The following EFR3B variants were observed in gnomAD, a reference collection of about 807,000 sequenced individuals.
EFR3B encodes the protein protein EFR3 homolog B.
A neutral mutation model predicts 104.7 loss-of-function variants in EFR3B; 64 were observed. That is an observed-to-expected ratio of 0.61 (90% CI 0.50 to 0.75). The LOEUF is 0.75. EFR3B is among the 30% of genes least tolerant of loss of function. EFR3B has a pLI of 0.00. For missense variants in EFR3B, 750 were observed against 1,078.5 expected (o/e 0.70, Z 4.27); for synonymous variants, 385 against 417.9 (o/e 0.92, Z 0.96).
chr2:25,112,606 G>A (rs1669751083), intron 4 of EFR3B, among the ~76,000 whole-genome samples: 1 of 152,208 alleles, frequency 6.6e-6, no homozygotes, highest in Non-Finnish European at 1.5e-5. Context: ...GGACAGTGGG[G>A]AGAAAGGGAC....
chr2:25,106,700 C>T (rs996844234), intron 4 of EFR3B, among the ~76,000 whole-genome samples: 1 of 152,180 alleles, frequency 6.6e-6, no homozygotes, highest in Non-Finnish European at 1.5e-5. Flanking sequence ...GCCTCGGCCT[C>T]CCAAAGTGCT....
Position 25,093,079 on chromosome 2 carries a change from G to T in EFR3B, c.161G>T (p.Gly54Val). Residue 54 changes from glycine to valine, a missense_variant, in exon 3 of 23, where the codon GGC (glycine) becomes GTC (valine). By Grantham distance (109) the Gly-to-Val change is moderately radical. Transcript: ENST00000403714. ...GCTCCAGAAAAACTTGATCGTATTGGCGCCTACCTCTCTGAGAGGCTCATC... is the reference window on the plus strand; with the variant it reads ...GCTCCAGAAAAACTTGATCGTATTGTCGCCTACCTCTCTGAGAGGCTCATC... The part of the protein sequence containing the change: ...LSAPEKLDRI[G>V]AYLSERLIRD... The T allele has an allele frequency of 6.4e-7, 1 of 1,551,546 alleles. No homozygotes were observed. The highest frequency in any genetic ancestry group is 8.7e-7 in the Non-Finnish European group (1 of 1,147,092).
Position 25,142,127 on chromosome 2 carries a change from C to T in EFR3B, c.1922+694C>T, listed in dbSNP as rs535207670. The stretch of plus-strand genomic sequence containing the variant: ...AACCATGGGCCGCAAAGCAAGAACC[C>T]ATCTCTACAAAAAATGTTTAAAAAT... On this transcript the variant is annotated intron_variant, in intron 17 of 22. Coordinates refer to ENST00000403714, the MANE Select transcript of EFR3B (RefSeq NM_014971.2). Among the ~76,000 whole-genome samples the T allele has an allele frequency of 1.2e-4, 19 of 152,180 alleles. No individual in the cohort carries two copies. In the South Asian group the frequency reaches 2.3e-3, roughly 18 times the overall value.
intron 3 of EFR3B, among the ~76,000 whole-genome samples, chr2:25,097,609 G>A (rs765942536): frequency 2.6e-5 from 4 of 152,148 alleles, no homozygotes; most frequent in African/African-American, 7.2e-5. Flanking sequence ...GCATGGGGAC[G>A]GCGGTGGGCA....
chr2:25,074,986 C>T (rs554281118), intron 1 of EFR3B, among the ~76,000 whole-genome samples: 3 of 152,276 alleles, frequency 2.0e-5, no homozygotes, highest in African/African-American at 7.2e-5. Context: ...AAGAAATGCG[C>T]AGAGAGGTCC....
At chr2:25,056,402 G>A (rs1193299397) in intron 1 of EFR3B, among the ~76,000 whole-genome samples, 2 of 147,798 alleles carry the variant, frequency 1.4e-5, no homozygotes, top group Non-Finnish European at 1.5e-5. Context: ...TTACGGATAA[G>A]TCTCTATTTT....
chr2:25,121,633 G>T (rs1227029190), intron 4 of EFR3B, 40 bp from the exon 5 acceptor site: 17 of 1,550,442 alleles, frequency 1.1e-5, no homozygotes, highest in Non-Finnish European at 1.5e-5. Flanking sequence ...AGCATGGTGG[G>T]TCACCTCTCT....
chr2:25,141,661 A>G (rs1273589030), intron 17 of EFR3B, among the ~76,000 whole-genome samples: 1 of 152,244 alleles, frequency 6.6e-6, no homozygotes, highest in African/African-American at 2.4e-5. Context: ...TTTGCAGATG[A>G]GACACAGCCT....
chr2:25,069,372 A>G lies in EFR3B; in HGVS notation c.8-21953A>G, dbSNP rs191606521. Among the ~76,000 whole-genome samples the G allele has an allele frequency of 2.2e-3, 337 of 152,314 alleles. 6 individuals carry two copies. The highest frequency in any genetic ancestry group is 1.7e-3 in the Non-Finnish European group (115 of 68,034). On this transcript the variant is annotated intron_variant, in intron 1 of 22. Transcript: ENST00000403714. ...CCTCTTCCTGATTTCAAACCATGCT[A>G]AAATAAAGATTATTAAAGATTCCAT...
chr2:25,047,944 T>C (rs1261950926), intron 1 of EFR3B, among the ~76,000 whole-genome samples: 1 of 152,004 alleles, frequency 6.6e-6, no homozygotes, highest in Non-Finnish European at 1.5e-5. Context: ...ATCTAGAAAA[T>C]ACAGTAAACT....
intron 1 of EFR3B, chr2:25,079,918 A>T: frequency 3.6e-6 from 5 of 1,389,838 alleles, no homozygotes; most frequent in Non-Finnish European, 5.1e-6. Flanking sequence ...GGCAACTGAA[A>T]TTTCACATCC....
chr2:25,119,545 G>A (rs573791823), intron 4 of EFR3B, among the ~76,000 whole-genome samples: 4 of 152,226 alleles, frequency 2.6e-5, no homozygotes, highest in Admixed American at 6.5e-5. Flanking sequence ...GAACTTGTAC[G>A]TAATCGATGA....
intron 4 of EFR3B, among the ~76,000 whole-genome samples, chr2:25,108,871 T>A (rs1426824293): frequency 1.3e-5 from 2 of 151,922 alleles, no homozygotes; most frequent in Non-Finnish European, 2.9e-5. Flanking sequence ...GTGGTGGTGC[T>A]ACTTGGGAGC....
chr2:25,132,507 C>T (rs1417974224), intron 10 of EFR3B, among the ~76,000 whole-genome samples: 1 of 152,114 alleles, frequency 6.6e-6, no homozygotes, highest in Non-Finnish European at 1.5e-5. Flanking sequence ...AATGCAGAAC[C>T]ATTCTTCTCT....
At chr2:25,078,695 C>T (rs1377902784) in intron 1 of EFR3B, among the ~76,000 whole-genome samples, 4 of 152,166 alleles carry the variant, frequency 2.6e-5, no homozygotes, top group East Asian at 1.9e-4. Context: ...GAAATAACTT[C>T]GCCTGAACAA....
chr2:25,158,166 T>C lies in EFR3B; in HGVS notation c.*3826T>C, dbSNP rs945244542. 6.6e-6 allele frequency: 1 copy of C among 152,298 alleles called. No homozygotes were observed. Among genetic ancestry groups the C allele is most frequent in the Non-Finnish European group, 1.5e-5 (1 of 68,098 alleles). 9.4% of individuals were successfully genotyped at this position (152,298 alleles called of 1,614,324 possible). A position where few individuals can be genotyped will look rare whatever the true frequency, so the allele number is the denominator to read the frequency against. On this transcript the variant is annotated 3_prime_UTR_variant, in exon 23 of 23. Coordinates refer to ENST00000403714, the MANE Select transcript of EFR3B (RefSeq NM_014971.2). Reference sequence around the variant, plus strand: ...ATGATGCCTTGCAGTTTCCATTCCATTGTCCCCAGGCCTCCTGACCTGGTG... The same window carrying C: ...ATGATGCCTTGCAGTTTCCATTCCACTGTCCCCAGGCCTCCTGACCTGGTG...
At chr2:25,060,853 A>T (rs1277838824) in intron 1 of EFR3B, among the ~76,000 whole-genome samples, 1 of 151,688 alleles carries the variant, frequency 6.6e-6, no homozygotes, top group Non-Finnish European at 1.5e-5. Flanking sequence ...CCCGGGAGAC[A>T]GAGCTTGCAG....
chr2:25,140,907 G>A (rs1410029573), intron 16 of EFR3B, among the ~76,000 whole-genome samples: 1 of 152,086 alleles, frequency 6.6e-6, no homozygotes, highest in Admixed American at 6.6e-5. Flanking sequence ...CAGGCGTGGT[G>A]GCATGCACCT....
Position 25,113,052 on chromosome 2 carries a change from T to C in EFR3B, c.364-8621T>C, listed in dbSNP as rs148079657. ...CATTTTGCCTCCTAGCTGCCTATAC[T>C]ACAGGGTGGGTGATCACTCCAGCAA... On this transcript the variant is annotated intron_variant, in intron 4 of 22. Coordinates refer to ENST00000403714, the MANE Select transcript of EFR3B (RefSeq NM_014971.2). Among the ~76,000 whole-genome samples the C allele has an allele frequency of 1.5e-3, 224 of 152,238 alleles. 1 individual carries two copies. Among genetic ancestry groups the C allele is most frequent in the South Asian group, 5.2e-3 (25 of 4,824 alleles).
Sources: allele counts gnomAD v4.1 joint callset (sites outside exome capture counted in the v4.1 genomes callset), GRCh38; gene constraint gnomAD v4.1.1; transcripts MANE v1.5; gene names NCBI Gene and HGNC (gene_info 2026-07-23, HGNC 2026-07-21).